The following CMC1 variants were observed in gnomAD, a reference collection of about 807,000 sequenced individuals.
The protein encoded by CMC1 is COX assembly mitochondrial protein homolog.
In CMC1, 14 loss-of-function variants were observed where a neutral mutation model predicts 14.1. The ratio of observed to expected loss-of-function variants is 0.99; its 90% CI spans 0.66 to 1.55. The LOEUF is 1.55. Ranked by LOEUF, CMC1 falls within the 40% of genes most tolerant of loss-of-function variation. The pLI is 0.00. For missense variants in CMC1, 127 were observed against 123.8 expected (o/e 1.03, Z -0.12); for synonymous variants, 50 against 38.4 (o/e 1.30, Z -1.12).
intron 2 of CMC1, among the ~76,000 whole-genome samples, chr3:28,295,889 G>T (rs1431516320): frequency 6.6e-6 from 1 of 151,946 alleles, no homozygotes; most frequent in Non-Finnish European, 1.5e-5. Flanking sequence ...TTTATTGGGG[G>T]GGAAAAACCC....
chr3:28,290,818 G>A (rs1701433291), intron 2 of CMC1, among the ~76,000 whole-genome samples: 1 of 151,878 alleles, frequency 6.6e-6, no homozygotes, highest in Non-Finnish European at 1.5e-5. Flanking sequence ...CCAAAATGTA[G>A]TGGCTTAAAA....
intron 2 of CMC1, among the ~76,000 whole-genome samples, chr3:28,270,896 C>G (rs1310946500): frequency 8.3e-6 from 1 of 120,418 alleles, no homozygotes; most frequent in Admixed American, 8.0e-5. Context: ...ACATTTATGT[C>G]TTTAATTCAT....
In CMC1 at chr3:28,248,911, T is replaced by TGCCTCTTCTG. The variant is rs758557230; in HGVS notation, c.19+7099_19+7100insGCCTCTTCTG. On this transcript the variant is annotated intron_variant, in intron 1 of 3. Transcript: ENST00000466830. ...TTTGTGCCATTCTTCTGCCTCAGTC[T>TGCCTCTTCTG]CCTAAGTAGCTGGGACTACAGGCGC... Among the ~76,000 whole-genome samples the TGCCTCTTCTG allele has an allele frequency of 1.6e-3, 245 of 152,274 alleles. 1 individual carries two copies. The highest frequency in any genetic ancestry group is 6.6e-3 in the South Asian group (32 of 4,824).
chr3:28,247,538 G>A (rs1160855678), intron 1 of CMC1, among the ~76,000 whole-genome samples: 2 of 152,186 alleles, frequency 1.3e-5, no homozygotes, highest in Non-Finnish European at 2.9e-5. Flanking sequence ...AAGGAAAACA[G>A]CAAAGGGCTA....
chr3:28,319,504 C>A lies in CMC1; in HGVS notation c.201-5C>A. On this transcript the variant is annotated splice_region_variant and splice_polypyrimidine_tract_variant and intron_variant, in intron 3 of 3. Coordinates refer to ENST00000466830, the MANE Select transcript of CMC1 (RefSeq NM_182523.2). ...CTTGAAAATATTTTCATTTCCTTCT[C>A]ATAGCTATAATGATCCAGCCTTTTA... 1 of 1,587,910 alleles carries A rather than the reference C, an allele frequency of 6.3e-7. No homozygotes were observed.
chr3:28,296,770 A>G (rs1701759063), intron 2 of CMC1, among the ~76,000 whole-genome samples: 1 of 152,104 alleles, frequency 6.6e-6, no homozygotes. Context: ...CTAACAATGT[A>G]AACTTATTAG....
intron 2 of CMC1, among the ~76,000 whole-genome samples, chr3:28,284,138 G>C (rs1701048913): frequency 6.6e-6 from 1 of 152,162 alleles, no homozygotes; most frequent in Admixed American, 6.5e-5. Context: ...GAGATCATCT[G>C]TGGTTGACTT....
At chr3:28,319,180 T>G (rs955312304) in intron 3 of CMC1, 5 of 449,644 alleles carry the variant, frequency 1.1e-5, no homozygotes, top group African/African-American at 1.0e-4. Context: ...CTTCCTTGTT[T>G]CCATGGTGCA....
rs11928569 is a variant in CMC1 at position 28,242,593 on chromosome 3, A to G, written c.19+781A>G. On this transcript the variant is annotated intron_variant, in intron 1 of 3. Transcript: ENST00000466830. ...TTCAAGGAGCATGGAAAATATATGT[A>G]GCACAGAAATAATGTTTTAATTGAA... Among the ~76,000 whole-genome samples, 766 of 152,354 alleles carry G rather than the reference A, an allele frequency of 5.0e-3. 9 individuals are homozygous for G. The highest frequency in any genetic ancestry group is 0.017 in the African/African-American group (711 of 41,582).
intron 2 of CMC1, among the ~76,000 whole-genome samples, chr3:28,283,551 C>CAAA (rs5847510): frequency 7.6e-5 from 9 of 118,274 alleles, no homozygotes; most frequent in Non-Finnish European, 1.2e-4. Context: ...ACAACAAAAA[C>CAAA]AAAAAAAAAA....
chr3:28,266,219 T>C (rs555677192), intron 2 of CMC1, among the ~76,000 whole-genome samples: 4 of 152,360 alleles, frequency 2.6e-5, no homozygotes, highest in South Asian at 4.1e-4. Context: ...AGTTAAAATT[T>C]GTCTTAAGCA....
chr3:28,313,518 A>C (rs1197274432), intron 2 of CMC1, among the ~76,000 whole-genome samples: 2 of 152,240 alleles, frequency 1.3e-5, no homozygotes, highest in Non-Finnish European at 2.9e-5. Context: ...CATTTTGGAA[A>C]TCAGTTGGCA....
At chr3:28,255,241 CT>C (rs61315525) in intron 1 of CMC1, among the ~76,000 whole-genome samples, 25,073 of 132,800 alleles carry the variant, frequency 0.19, 1,963 homozygotes, top group East Asian at 0.41. Context: ...TTTGTTTCCT[CT>C]TTTTTTTTTT....
chr3:28,315,054 G>A (rs1010625256), intron 2 of CMC1: 3 of 152,046 alleles, frequency 2.0e-5, no homozygotes, highest in African/African-American at 7.2e-5. Flanking sequence ...TTGTAAGGAC[G>A]ATGTTTAAGA....
chr3:28,267,411 G>A, intron 2 of CMC1, among the ~76,000 whole-genome samples: 1 of 152,058 alleles, frequency 6.6e-6, no homozygotes, highest in East Asian at 1.9e-4. Context: ...GCTATCACAG[G>A]TAAAGACAGA....
chr3:28,294,207 T>A (rs1043457898), intron 2 of CMC1, among the ~76,000 whole-genome samples: 1 of 152,142 alleles, frequency 6.6e-6, no homozygotes, highest in Non-Finnish European at 1.5e-5. Flanking sequence ...GTAAGTGAGC[T>A]CTGTCAAAAA....
chr3:28,316,291 G>T, intron 2 of CMC1, 42 bp from the exon 3 acceptor site: 1 of 989,070 alleles, frequency 1.0e-6, no homozygotes, highest in South Asian at 1.6e-5. Context: ...TATTTATATA[G>T]ATATAATTAC....
intron 1 of CMC1, among the ~76,000 whole-genome samples, chr3:28,257,945 C>T (rs1029644630): frequency 5.9e-5 from 9 of 152,000 alleles, no homozygotes; most frequent in Non-Finnish European, 1.0e-4. Context: ...GCAGATGCTT[C>T]ACATTCTCTC....
At chr3:28,253,208 A>T (rs573881844) in intron 1 of CMC1, among the ~76,000 whole-genome samples, 3 of 152,268 alleles carry the variant, frequency 2.0e-5, no homozygotes, top group Admixed American at 1.3e-4. Context: ...AACAATTGAG[A>T]ACGCTGGTCT....
Sources: allele counts gnomAD v4.1 joint callset (sites outside exome capture counted in the v4.1 genomes callset), GRCh38; gene constraint gnomAD v4.1.1; transcripts MANE v1.5; gene names NCBI Gene and HGNC (gene_info 2026-07-23, HGNC 2026-07-21).